CREBL2: variants seen among roughly 807,000 people sequenced by gnomAD.
CREBL2 encodes cAMP responsive element binding protein like 2.
In CREBL2, 4 loss-of-function variants were observed where a neutral mutation model predicts 19.5. That is an observed-to-expected ratio of 0.20 (90% CI 0.10 to 0.47). The LOEUF is 0.47. Ranked by LOEUF, CREBL2 falls within the 20% of genes least tolerant of loss-of-function variation. CREBL2 has a pLI of 0.98. For missense variants in CREBL2, 85 were observed against 145.1 expected (o/e 0.59, Z 2.13); for synonymous variants, 42 against 46.6 (o/e 0.90, Z 0.40).
At position 12,642,342 on chromosome 12, in the gene CREBL2, C is replaced by A. The variant is rs567422656; in HGVS notation, c.*344C>A. The A allele has an allele frequency of 3.1e-5, 6 of 194,208 alleles. No individual in the cohort carries two copies. Among genetic ancestry groups the A allele is most frequent in the Admixed American group, 6.1e-5 (1 of 16,468 alleles). The allele number at this position is 194,208 out of a possible 1,614,324, so 12.0% of individuals were successfully genotyped here. ...ATTGCTTTATTGGTTAATTTATATT[C>A]TTTCCATGTAATTCATGTAATTGTA... On this transcript the variant is annotated 3_prime_UTR_variant, in exon 4 of 4. Coordinates refer to ENST00000228865, the MANE Select transcript of CREBL2 (RefSeq NM_001310.4).
intron 1 of CREBL2, 123 bp from the exon 2 acceptor site, chr12:12,635,654 T>G: frequency 8.7e-7 from 1 of 1,150,072 alleles, no homozygotes; most frequent in Middle Eastern, 2.3e-4. Context: ...TTATGCTTTC[T>G]TAGTTCCGTA....
chr12:12,613,921 T>TC (rs1945286349), intron 1 of CREBL2, among the ~76,000 whole-genome samples: 1 of 151,538 alleles, frequency 6.6e-6, no homozygotes, highest in African/African-American at 2.4e-5. Context: ...CAAGTAATTT[T>TC]TTTTTTTTTT....
In CREBL2 at chr12:12,637,711, T is replaced by A; in HGVS notation, c.355T>A (p.Ser119Thr). 1 of 1,608,814 alleles carries A rather than the reference T, an allele frequency of 6.2e-7. No homozygotes were observed. Among genetic ancestry groups the A allele is most frequent in the South Asian group, 1.1e-5 (1 of 90,820 alleles). Residue 119 changes from serine (S) to threonine (T), a missense_variant, in exon 3 of 4, where the codon TCC becomes ACC. Coordinates refer to ENST00000228865, the MANE Select transcript of CREBL2 (RefSeq NM_001310.4). ...TGGGAAGACAGATGCTAATAGCAAT[T>A]CCTGTAAGTGCCATCAATGGGAGAA... ...KAGKTDANSN[S>T]W
At chr12:12,612,329 G>A in intron 1 of CREBL2, 142 bp downstream of exon 1, 1 of 1,464,914 alleles carries the variant, frequency 6.8e-7, no homozygotes, top group Non-Finnish European at 9.3e-7. Flanking sequence ...TCCACTGCCC[G>A]ATGGTACCCA....
intron 3 of CREBL2, 89 bp downstream of exon 3, chr12:12,637,803 G>A (rs10845599): frequency 0.53 from 717,770 of 1,362,774 alleles, 195,089 homozygotes; most frequent in Non-Finnish European, 0.56. Context: ...CACTTTGGGA[G>A]GCCGAGGTGG....
At chr12:12,639,450 T>A (rs1204482429) in intron 3 of CREBL2, among the ~76,000 whole-genome samples, 1 of 152,224 alleles carries the variant, frequency 6.6e-6, no homozygotes, top group Non-Finnish European at 1.5e-5. Flanking sequence ...TGTCCACATC[T>A]CATCAACTTA....
At chr12:12,620,242 CT>C (rs67066272) in intron 1 of CREBL2, among the ~76,000 whole-genome samples, 70,764 of 148,080 alleles carry the variant, frequency 0.48, 19,136 homozygotes, top group Non-Finnish European at 0.6. Context: ...TTTTCTTTTT[CT>C]TTTTTTTTTT....
At chr12:12,618,166 C>CA (rs1489281480) in intron 1 of CREBL2, among the ~76,000 whole-genome samples, 1 of 152,230 alleles carries the variant, frequency 6.6e-6, no homozygotes, top group Non-Finnish European at 1.5e-5. Flanking sequence ...GGCCCATTCT[C>CA]AATGAGCTGT....
intron 1 of CREBL2, among the ~76,000 whole-genome samples, chr12:12,631,472 C>T (rs1213775974): frequency 6.6e-6 from 1 of 152,188 alleles, no homozygotes; most frequent in Non-Finnish European, 1.5e-5. Context: ...GGGTTATTTT[C>T]ATAGTTTTCT....
intron 1 of CREBL2, among the ~76,000 whole-genome samples, chr12:12,622,879 A>G (rs1210391984): frequency 6.6e-6 from 1 of 152,240 alleles, no homozygotes; most frequent in African/African-American, 2.4e-5. Flanking sequence ...TAAGAGAAAG[A>G]CAAAACAAGC....
rs892608810 is a variant in CREBL2, at chr12:12,612,078, C to T, written c.-95C>T. 3.3e-5 allele frequency: 49 copies of T among 1,475,672 alleles called. No homozygotes were observed. Among genetic ancestry groups the T allele is most frequent in the Admixed American group, 6.8e-5 (4 of 59,022 alleles). 91.4% of individuals were successfully genotyped at this position (1,475,672 alleles called of 1,614,324 possible). A position where few individuals can be genotyped will look rare whatever the true frequency, so the allele number is the denominator to read the frequency against. ...GAGGAGGAGGCAGCCAGAACCATAT[C>T]CCCTTCTTCCTCGGGGCGGGGGCCG... is the stretch of plus-strand genomic sequence containing the variant. On this transcript the variant is annotated 5_prime_UTR_variant, in exon 1 of 4. Transcript: ENST00000228865.
intron 1 of CREBL2, among the ~76,000 whole-genome samples, chr12:12,623,391 T>G (rs1945375900): frequency 6.6e-6 from 1 of 152,154 alleles, no homozygotes; most frequent in Admixed American, 6.5e-5. Flanking sequence ...ATATTAACTC[T>G]GTGTTCCAGA....
At position 12,637,727 on chromosome 12, in the gene CREBL2, A is replaced by G. The variant is rs1236670768; in HGVS notation, c.358+13A>G. ...AATAGCAATTCCTGTAAGTGCCATC[A>G]ATGGGAGAATTTATATTTAAGAGAG... On this transcript the variant is annotated intron_variant, in intron 3 of 3. Transcript: ENST00000228865. The G allele has an allele frequency of 5.0e-6, 8 of 1,602,212 alleles. No individual in the cohort carries two copies. Among genetic ancestry groups the G allele is most frequent in the Non-Finnish European group, 5.1e-6 (6 of 1,174,182 alleles).
chr12:12,620,303 G>C (rs1366044102), intron 1 of CREBL2, among the ~76,000 whole-genome samples: 3 of 151,518 alleles, frequency 2.0e-5, no homozygotes, highest in Admixed American at 1.3e-4. Flanking sequence ...GTGCAATCAT[G>C]GTTCACTGCA....
At chr12:12,631,537 T>A (rs1215740794) in intron 1 of CREBL2, among the ~76,000 whole-genome samples, 1 of 152,250 alleles carries the variant, frequency 6.6e-6, no homozygotes, top group African/African-American at 2.4e-5. Flanking sequence ...CATATTAATA[T>A]GCTTCCTCAC....
Position 12,635,795 on chromosome 12 carries a change from A to C in CREBL2, c.34A>C (p.Lys12Gln). The C allele has an allele frequency of 1.2e-6, 2 of 1,611,862 alleles. No individual in the cohort carries two copies. Among genetic ancestry groups the C allele is most frequent in the Non-Finnish European group, 1.7e-6 (2 of 1,178,844 alleles). Reference sequence around the variant, plus strand: ...GCTGAAGGTGGTTGGAGGCAAAGTAAAGAAGCCCGGTAAACGTGGTCGGAA... The same window carrying C: ...GCTGAAGGTGGTTGGAGGCAAAGTACAGAAGCCCGGTAAACGTGGTCGGAA... ...DDSKVVGGKV[K>Q]KPGKRGRKPA... Residue 12 changes from lysine to glutamine, a missense_variant, in exon 2 of 4, where the codon AAG becomes CAG. Lys to Gln is a moderately conservative substitution (Grantham distance 53). Transcript: ENST00000228865.
rs909773096 is a variant in CREBL2, at chr12:12,643,234, T to A, written c.*1236T>A. On this transcript the variant is annotated 3_prime_UTR_variant, in exon 4 of 4. Coordinates refer to ENST00000228865, the MANE Select transcript of CREBL2 (RefSeq NM_001310.4). ...GAAGGGCAGGGTAGTTCTTTCCATT[T>A]CCCCTTGCAGCTACACTTACTTTCT... 2.0e-5 allele frequency: 3 copies of A among 152,500 alleles called. No homozygotes were observed. Among genetic ancestry groups the A allele is most frequent in the Non-Finnish European group, 4.4e-5 (3 of 68,080 alleles). The allele number at this position is 152,500 out of a possible 1,614,324, so 9.4% of individuals were successfully genotyped here.
At chr12:12,614,696 C>A in intron 1 of CREBL2, 1 of 280,404 alleles carries the variant, frequency 3.6e-6, no homozygotes, top group South Asian at 3.4e-5. Flanking sequence ...TCACACGTTT[C>A]TGGAAGCTGT....
chr12:12,641,247 A>ATTTTTTTTTTTTTTTTTTTTTT (rs1380373401), intron 3 of CREBL2, among the ~76,000 whole-genome samples: 1 of 22,068 alleles, frequency 4.5e-5, no homozygotes, highest in African/African-American at 9.9e-5. Flanking sequence ...TATTATTATT[A>ATTTTTTTTTTTTTTTTTTTTTT]TTATTATTTT....
Sources: gnomAD v4.1 joint callset for allele counts (sites outside exome capture counted in the v4.1 genomes callset) on GRCh38, gnomAD v4.1.1 for gene constraint, MANE v1.5 for transcripts, NCBI Gene and HGNC (gene_info 2026-07-23, HGNC 2026-07-21) for gene names.